The following TG variants were observed in gnomAD, a reference collection of about 807,000 sequenced individuals.
TG encodes the protein thyroglobulin.
In TG, 270 loss-of-function variants were observed where a neutral mutation model predicts 324.7. The ratio of observed to expected loss-of-function variants is 0.83; its 90% CI spans 0.75 to 0.92. The LOEUF is 0.92. TG is among the 40% of genes least tolerant of loss of function. The pLI, the probability that TG is intolerant of heterozygous loss-of-function variation, is 0.00. For missense variants in TG, 3,591 were observed against 3,456.4 expected, an observed-to-expected ratio of 1.04 and a Z score of -0.98; for synonymous variants, 1,401 against 1,327.0, an observed-to-expected ratio of 1.06 and a Z score of -1.21.
intron 34 of TG, among the ~76,000 whole-genome samples, chr8:132,976,767 G>A (rs1292784074): frequency 6.6e-6 from 1 of 152,188 alleles, no homozygotes; most frequent in African/African-American, 2.4e-5. Context: ...ACAGAAGGAG[G>A]AGGACTGGCT....
Position 133,001,832 on chromosome 8 carries a change from G to T in TG, c.6263-10069G>T, listed in dbSNP as rs1833538482. On this transcript the variant is annotated intron_variant, in intron 35 of 47. Transcript: ENST00000220616. ...TTTCCTGCCTGAAAGGTTTCAGAAT[G>T]TCACGGTTTACCCCAGCCAGCCTGT... 8 of 985,482 alleles carry T rather than the reference G, an allele frequency of 8.1e-6. No individual in the cohort carries two copies. In the South Asian group the frequency reaches 3.3e-4, roughly 40 times the overall value. 61.0% of individuals were successfully genotyped at this position (985,482 alleles called of 1,614,324 possible). A position where few individuals can be genotyped will look rare whatever the true frequency, so the allele number is the denominator to read the frequency against.
intron 43 of TG, among the ~76,000 whole-genome samples, chr8:133,106,930 A>G (rs1026110364): frequency 6.6e-6 from 1 of 152,198 alleles, no homozygotes; most frequent in African/African-American, 2.4e-5. Context: ...TAGGATGAAC[A>G]GCAAGGGCCT....
chr8:133,068,943 G>A (rs537871390), intron 41 of TG, among the ~76,000 whole-genome samples: 19 of 152,384 alleles, frequency 1.2e-4, no homozygotes, highest in Non-Finnish European at 2.9e-5. Flanking sequence ...CCTAGGCCAG[G>A]TCCTGGATAC....
chr8:132,888,700 G>T lies in TG; in HGVS notation c.2761+132G>T. On this transcript the variant is annotated intron_variant, in intron 10 of 47. Transcript: ENST00000220616. ...AAAGCTGGAATGGAGTTTAGAGATGGCTGAGAAAACGAAGGCTCACAGAGG... is the reference window on the plus strand; with the variant it reads ...AAAGCTGGAATGGAGTTTAGAGATGTCTGAGAAAACGAAGGCTCACAGAGG... 4.9e-6 allele frequency: 5 copies of T among 1,018,688 alleles called. 1 individual carries two copies. The South Asian group carries it at 9.0e-5, about 18-fold the overall frequency. 63.1% of individuals were successfully genotyped at this position (1,018,688 alleles called of 1,614,324 possible).
At chr8:132,941,273 T>G in intron 25 of TG, 78 bp from the exon 26 acceptor site, 1 of 1,559,390 alleles carries the variant, frequency 6.4e-7, no homozygotes, top group South Asian at 1.1e-5. Context: ...CAACAAACTG[T>G]CCTGTGAGAT....
intron 5 of TG, among the ~76,000 whole-genome samples, chr8:132,880,388 T>C (rs992854976): frequency 6.6e-6 from 1 of 152,250 alleles, no homozygotes; most frequent in Non-Finnish European, 1.5e-5. Flanking sequence ...ATAAAAGTTA[T>C]TATTATACTA....
chr8:132,883,154 CATT>C (rs1474882124), intron 8 of TG, 155 bp downstream of exon 8: 28 of 732,842 alleles, frequency 3.8e-5, no homozygotes, highest in Non-Finnish European at 5.7e-5. Flanking sequence ...AGTTTATCAT[CATT>C]AACTTCCAAC....
chr8:132,971,710 A>G (rs72727453), intron 32 of TG, 84 bp from the exon 33 acceptor site: 177,076 of 955,578 alleles, frequency 0.19, 18,983 homozygotes, highest in Middle Eastern at 0.24. Context: ...TCCCCAAAGC[A>G]AGAATGACTA....
chr8:132,870,396 G>A (rs181374416), intron 3 of TG, among the ~76,000 whole-genome samples: 5 of 147,266 alleles, frequency 3.4e-5, no homozygotes, highest in South Asian at 4.5e-4. Context: ...ATGGGGGCAC[G>A]CTGGCCCCAT....
intron 45 of TG, among the ~76,000 whole-genome samples, chr8:133,119,828 A>G (rs982538147): frequency 7.2e-5 from 11 of 152,096 alleles, no homozygotes; most frequent in Non-Finnish European, 1.2e-4. Flanking sequence ...AACTCTTTCC[A>G]CTCTAACACG....
rs1829637301 is a variant in TG, at chr8:132,972,313, G to T, written c.6056-285G>T. 4 of 522,114 alleles carry T rather than the reference G, an allele frequency of 7.7e-6. No individual in the cohort carries two copies. In the Admixed American group the frequency reaches 9.6e-5, roughly 13 times the overall value. The allele number at this position is 522,114 out of a possible 1,614,324, so 32.3% of individuals were successfully genotyped here. On this transcript the variant is annotated intron_variant, in intron 33 of 47. Coordinates refer to ENST00000220616, the MANE Select transcript of TG (RefSeq NM_003235.5). ...CTACCAAAGCTACCTTCCTCGTAAG[G>T]TTATGTGAGGACCAAGTGAAGTGAT...
chr8:132,960,828 G>A (rs1827640340), intron 27 of TG, among the ~76,000 whole-genome samples, 180 bp from the exon 28 acceptor site: 2 of 152,156 alleles, frequency 1.3e-5, no homozygotes, highest in Non-Finnish European at 2.9e-5. Context: ...ACCAGCTCTG[G>A]TTTTGTACTA....
intron 34 of TG, among the ~76,000 whole-genome samples, chr8:132,973,881 T>C (rs56184142): frequency 0.19 from 28,413 of 151,928 alleles, 2,993 homozygotes; most frequent in Middle Eastern, 0.32. Flanking sequence ...AGTAAATATA[T>C]GGGGAATTCT....
intron 4 of TG, 76 bp from the exon 5 acceptor site, chr8:132,872,986 G>A: frequency 5.3e-6 from 8 of 1,501,914 alleles, no homozygotes; most frequent in African/African-American, 1.4e-5. Context: ...TAAGGGACAC[G>A]AGTGCATATG....
chr8:133,097,312 G>A (rs758107012), intron 43 of TG, among the ~76,000 whole-genome samples: 3 of 152,134 alleles, frequency 2.0e-5, no homozygotes, highest in African/African-American at 7.2e-5. Context: ...AGCAATAAAA[G>A]CTCCAGTTTT....
rs1026248731 is a variant in TG at position 132,961,137 on chromosome 8, C to G, written c.5467+64C>G. On this transcript the variant is annotated intron_variant, in intron 28 of 47. Transcript: ENST00000220616. ...GATTACATGAGATTGTCTGGCACCACCTCTCATTCACAGGGCACTCTATTT... is the reference window on the plus strand; with the variant it reads ...GATTACATGAGATTGTCTGGCACCAGCTCTCATTCACAGGGCACTCTATTT... The G allele has an allele frequency of 5.8e-5, 87 of 1,507,934 alleles. 1 individual carries two copies. The Middle Eastern group carries it at 6.8e-4, about 12-fold the overall frequency. The allele number at this position is 1,507,934 out of a possible 1,614,324, so 93.4% of individuals were successfully genotyped here. A position where few individuals can be genotyped will look rare whatever the true frequency, so the allele number is the denominator to read the frequency against.
At chr8:132,893,650 G>A (rs778972552) in intron 10 of TG, 40 bp from the exon 11 acceptor site, 3 of 1,612,842 alleles carry the variant, frequency 1.9e-6, no homozygotes, top group South Asian at 1.1e-5. Context: ...GGAAGTCCAC[G>A]TGGTGAGTGA....
intron 22 of TG, among the ~76,000 whole-genome samples, chr8:132,924,761 G>A (rs564258664): frequency 6.6e-6 from 1 of 152,322 alleles, no homozygotes; most frequent in South Asian, 2.1e-4. Context: ...TTCTTCGTCT[G>A]TAAAATGGAG....
At chr8:132,979,106 C>T (rs1324827892) in intron 34 of TG, among the ~76,000 whole-genome samples, 2 of 152,210 alleles carry the variant, frequency 1.3e-5, no homozygotes, top group East Asian at 3.9e-4. Context: ...CTGTTCTAAG[C>T]CTCCAGAGGA....
Sources: gnomAD v4.1 joint callset for allele counts (sites outside exome capture counted in the v4.1 genomes callset) on GRCh38, gnomAD v4.1.1 for gene constraint, MANE v1.5 for transcripts, NCBI Gene and HGNC (gene_info 2026-07-23, HGNC 2026-07-21) for gene names.